The following PCM1 variants were observed in gnomAD, a reference collection of about 807,000 sequenced individuals.
PCM1 encodes the protein pericentriolar material 1 protein.
A neutral mutation model predicts 241.9 loss-of-function variants in PCM1; 157 were observed. That is an observed-to-expected ratio of 0.65 (90% confidence interval 0.57 to 0.74). PCM1 has a LOEUF of 0.74. PCM1 is among the 30% of genes least tolerant of loss of function. PCM1 has a pLI of 0.00. For synonymous variants in PCM1, 1,085 were observed against 784.9 expected, an observed-to-expected ratio of 1.38 and a Z score of -6.39; for missense variants, 3,478 against 2,360.1, an observed-to-expected ratio of 1.47 and a Z score of -9.81.
chr8:17,995,857 A>G (rs2086514901), intron 29 of PCM1, among the ~76,000 whole-genome samples: 1 of 152,056 alleles, frequency 6.6e-6, no homozygotes, highest in African/African-American at 2.4e-5. Flanking sequence ...TAGAAATGCT[A>G]CTGATTTTTG....
chr8:17,962,041 C>G lies in PCM1; in HGVS notation c.2330C>G (p.Ala777Gly). Residue 777 changes from alanine to glycine, a missense_variant, in exon 16 of 39, where the codon GCT (alanine) becomes GGT (glycine). By Grantham distance (60) the Ala-to-Gly change is moderately conservative. Transcript: ENST00000325083. ...QTACPDLQLS[A>G]ASVGNCPTKK... ...TTGTGAATTCCTTTTTAGCTGTCAG[C>G]TGCTAGTGTGGGTAACTGTCCCACC... 1 of 1,608,432 alleles carries G rather than the reference C, an allele frequency of 6.2e-7. No homozygotes were observed. Among genetic ancestry groups the G allele is most frequent in the Non-Finnish European group, 8.5e-7 (1 of 1,177,198 alleles).
chr8:17,942,220 A>G (rs1378498297), intron 6 of PCM1, among the ~76,000 whole-genome samples: 1 of 152,146 alleles, frequency 6.6e-6, no homozygotes, highest in Non-Finnish European at 1.5e-5. Context: ...TAATTCTAGC[A>G]CTTTGGAAGA....
chr8:17,946,648 C>T (rs527271949), intron 6 of PCM1, among the ~76,000 whole-genome samples: 135 of 152,168 alleles, frequency 8.9e-4, no homozygotes, highest in African/African-American at 1.9e-3. Flanking sequence ...AGGCGCACAC[C>T]GCCACACCCG....
At chr8:17,995,955 T>A (rs1184101497) in intron 29 of PCM1, among the ~76,000 whole-genome samples, 1 of 152,176 alleles carries the variant, frequency 6.6e-6, no homozygotes, top group Non-Finnish European at 1.5e-5. Flanking sequence ...TTTCCAAGTA[T>A]AAGATTATAT....
At chr8:18,010,138 C>CAAATGCTTATTAGTTAGGGCTTTGG (rs1429043313) in intron 31 of PCM1, among the ~76,000 whole-genome samples, 1 of 152,220 alleles carries the variant, frequency 6.6e-6, no homozygotes, top group Non-Finnish European at 1.5e-5. Context: ...CCAGTCAACA[C>CAAATGCTTATTAGTTAGGGCTTTGG]AAATGCTTAT....
At chr8:18,003,836 C>G (rs1292965806) in intron 29 of PCM1, among the ~76,000 whole-genome samples, 1 of 151,972 alleles carries the variant, frequency 6.6e-6, no homozygotes, top group Non-Finnish European at 1.5e-5. Context: ...AGATATTTAT[C>G]TCAGAGCTTG....
chr8:17,957,725 G>C lies in PCM1; in HGVS notation c.1990G>C (p.Ala664Pro), dbSNP rs749621124. The C allele has an allele frequency of 6.2e-6, 10 of 1,613,544 alleles. No individual in the cohort carries two copies. Among genetic ancestry groups the C allele is most frequent in the Admixed American group, 1.7e-5 (1 of 59,948 alleles). The stretch of plus-strand genomic sequence containing the variant: ...TGAACAGAAGATCAACCGACTTATG[G>C]CTGCAAAACAGAAACTTAGACAGTT... ...EFEQKINRLM[A>P]AKQKLRQLQD... Residue 664 changes from alanine (A) to proline (P), a missense_variant, in exon 13 of 39, where the codon GCT becomes CCT. By Grantham distance (27) the Ala-to-Pro change is conservative (BLOSUM62 -1). Coordinates refer to ENST00000325083, the MANE Select transcript of PCM1 (RefSeq NM_006197.4).
intron 36 of PCM1, among the ~76,000 whole-genome samples, chr8:18,017,197 T>C (rs2093308516): frequency 6.6e-6 from 1 of 152,192 alleles, no homozygotes; most frequent in Non-Finnish European, 1.5e-5. Flanking sequence ...AAAGATTGAC[T>C]AGTCCAAAAA....
At position 17,994,604 on chromosome 8, in the gene PCM1, A is replaced by T. The variant is rs77495569; in HGVS notation, c.4827+985A>T. ...CTCTTGCTGTATTTTCAGTTTTTTG[A>T]GCAACTTCCAAACTGTTCTCCAGAG... On this transcript the variant is annotated intron_variant, in intron 29 of 38. Transcript: ENST00000325083. Among the ~76,000 whole-genome samples, 159 of 152,268 alleles carry T rather than the reference A, an allele frequency of 1.0e-3. 1 individual carries two copies. Among genetic ancestry groups the T allele is most frequent in the South Asian group, 3.9e-3 (19 of 4,828 alleles).
chr8:17,997,753 C>G (rs2087438203), intron 29 of PCM1, among the ~76,000 whole-genome samples: 1 of 151,816 alleles, frequency 6.6e-6, no homozygotes, highest in East Asian at 1.9e-4. Flanking sequence ...CGGCCAGGTG[C>G]TATGGCTCAC....
chr8:17,990,027 G>T, intron 27 of PCM1, 48 bp downstream of exon 27: 2 of 1,437,366 alleles, frequency 1.4e-6, no homozygotes, highest in Non-Finnish European at 1.8e-6. Context: ...AGTTGATCTG[G>T]TCCAGTCTTT....
intron 13 of PCM1, among the ~76,000 whole-genome samples, chr8:17,958,042 A>G (rs1288247863): frequency 6.6e-6 from 1 of 152,140 alleles, no homozygotes; most frequent in Non-Finnish European, 1.5e-5. Flanking sequence ...TACATAATAC[A>G]TAAATGAGAA....
At chr8:18,013,806 C>G in intron 34 of PCM1, 158 bp from the exon 35 acceptor site, 1 of 569,730 alleles carries the variant, frequency 1.8e-6, no homozygotes. Flanking sequence ...ATCTTGAAAT[C>G]ACAACCAAAG....
At chr8:17,989,128 T>A (rs2083601847) in intron 26 of PCM1, among the ~76,000 whole-genome samples, 1 of 152,000 alleles carries the variant, frequency 6.6e-6, no homozygotes, top group Non-Finnish European at 1.5e-5. Context: ...ATTTCTGAAC[T>A]TCTGAAACAC....
In PCM1 at chr8:18,011,241, A is replaced by G; in HGVS notation, c.5225A>G (p.Lys1742Arg). 1.2e-6 allele frequency: 2 copies of G among 1,601,368 alleles called. No individual in the cohort carries two copies. Among genetic ancestry groups the G allele is most frequent in the South Asian group, 1.1e-5 (1 of 88,452 alleles). The change falls in exon 33 of 39, where the codon AAG becomes AGG. Residue 1742 changes from lysine to arginine, a missense_variant. Lys to Arg is a conservative substitution (Grantham distance 26). Coordinates refer to ENST00000325083, the MANE Select transcript of PCM1 (RefSeq NM_006197.4). ...CTCAAATATTTTTGTGTCTAGGACA[A>G]GGATGAAACTGAAACAGTTAAGCAG... ...AGEIDDEDKD[K>R]DETETVKQTQ...
intron 22 of PCM1, 64 bp from the exon 23 acceptor site, chr8:17,972,265 A>G (rs2077110197): frequency 2.3e-6 from 2 of 881,226 alleles, no homozygotes; most frequent in East Asian, 2.7e-5. Flanking sequence ...CTATAAATTC[A>G]GTGTATTTGG....
rs892802672 is a variant in PCM1, at chr8:17,969,590, C to G, written c.3426C>G (p.Ser1142Arg). The change falls in exon 22 of 39, where the codon AGC (serine) becomes AGG (arginine). Residue 1142 changes from serine to arginine, a missense_variant. Transcript: ENST00000325083. ...FSSFAPGMNF[S>R]PLFPSNFGDF... Reference sequence around the variant, plus strand: ...TTTACTGATTAGGTATGAATTTCAGCCCTTTATTTCCTTCTAATTTTGGAG... The same window carrying G: ...TTTACTGATTAGGTATGAATTTCAGGCCTTTATTTCCTTCTAATTTTGGAG... The G allele has an allele frequency of 6.2e-7, 1 of 1,603,312 alleles. No homozygotes were observed. Among genetic ancestry groups the G allele is most frequent in the Admixed American group, 1.7e-5 (1 of 58,498 alleles).
At chr8:17,986,754 A>G (rs766295854) in intron 26 of PCM1, among the ~76,000 whole-genome samples, 1 of 151,790 alleles carries the variant, frequency 6.6e-6, no homozygotes, top group Non-Finnish European at 1.5e-5. Context: ...CCTTGATTTT[A>G]TTGTAAAATA....
intron 36 of PCM1, among the ~76,000 whole-genome samples, chr8:18,021,635 C>T (rs1485154017): frequency 6.6e-6 from 1 of 152,184 alleles, no homozygotes; most frequent in Non-Finnish European, 1.5e-5. Flanking sequence ...TTTTCAAACT[C>T]GGTGGCACTA....
Sources: allele counts gnomAD v4.1 joint callset (sites outside exome capture counted in the v4.1 genomes callset), GRCh38; gene constraint gnomAD v4.1.1; transcripts MANE v1.5; gene names NCBI Gene and HGNC (gene_info 2026-07-23, HGNC 2026-07-21).